The following HMCN1 variants were observed in gnomAD, a reference collection of about 807,000 sequenced individuals.
HMCN1 encodes hemicentin-1.
HMCN1 carries 321 observed loss-of-function variants against 625.9 expected under a neutral mutation model. The observed-to-expected ratio is 0.51, with a 90% confidence interval of 0.47 to 0.56. The LOEUF is 0.56. Among genes scored for constraint, HMCN1 ranks in the 20% least tolerant of loss-of-function variants. HMCN1 has a pLI of 0.00. For synonymous variants in HMCN1, 2,425 were observed against 2,417.6 expected (o/e 1.00, Z -0.09); for missense variants, 6,588 against 6,887.3 (o/e 0.96, Z 1.54).
chr1:185,741,833 G>T (rs998660178), intron 1 of HMCN1, among the ~76,000 whole-genome samples: 1 of 152,198 alleles, frequency 6.6e-6, no homozygotes, highest in East Asian at 1.9e-4. Context: ...AATTCAAAGA[G>T]AATGGGAAAA....
chr1:185,955,348 G>C (rs763791223), intron 11 of HMCN1, among the ~76,000 whole-genome samples: 1 of 151,820 alleles, frequency 6.6e-6, no homozygotes, highest in South Asian at 2.1e-4. Flanking sequence ...ATTTAATCCT[G>C]AATTGTATCC....
chr1:185,826,679 A>T (rs1157639631), intron 1 of HMCN1, among the ~76,000 whole-genome samples: 1 of 152,228 alleles, frequency 6.6e-6, no homozygotes, highest in Non-Finnish European at 1.5e-5. Flanking sequence ...TCTTCATTGC[A>T]GTAGAGAAAG....
intron 11 of HMCN1, among the ~76,000 whole-genome samples, chr1:185,953,955 A>T (rs1414447755): frequency 6.7e-6 from 1 of 150,026 alleles, no homozygotes; most frequent in Non-Finnish European, 1.5e-5. Flanking sequence ...TCTGGTGGGC[A>T]GGAGTGGGGG....
chr1:186,021,113 A>G (rs1654691541), intron 35 of HMCN1, among the ~76,000 whole-genome samples: 1 of 152,102 alleles, frequency 6.6e-6, no homozygotes, highest in Admixed American at 6.6e-5. Flanking sequence ...TTAGACTCAT[A>G]TGTTGGCCAT....
At chr1:186,148,877 A>G (rs1050239604) in intron 93 of HMCN1, among the ~76,000 whole-genome samples, 1 of 152,106 alleles carries the variant, frequency 6.6e-6, no homozygotes, top group Non-Finnish European at 1.5e-5. Flanking sequence ...GTACATCTCC[A>G]TTAGACCTCT....
At chr1:186,112,788 A>G (rs766473688) in intron 71 of HMCN1, 24 bp from the exon 72 acceptor site, 2 of 1,613,756 alleles carry the variant, frequency 1.2e-6, no homozygotes, top group Non-Finnish European at 1.7e-6. Flanking sequence ...TTTAACGGCA[A>G]ATTTCTTTAC....
rs55980493 is a variant in HMCN1 at position 185,877,711 on chromosome 1, C to A, written c.621+11848C>A. ...GTTAAATATATTCTTAGGTATTTTACTCTTTTTGTATGGCTATTTTTTTCC... is the reference window on the plus strand; with the variant it reads ...GTTAAATATATTCTTAGGTATTTTAATCTTTTTGTATGGCTATTTTTTTCC... On this transcript the variant is annotated intron_variant, in intron 4 of 106. Transcript: ENST00000271588. Among the ~76,000 whole-genome samples the A allele has an allele frequency of 3.3e-3, 500 of 151,814 alleles. 6 individuals carry two copies. Among genetic ancestry groups the A allele is most frequent in the African/African-American group, 0.012 (480 of 41,434 alleles).
chr1:185,783,500 T>C (rs1288931831), intron 1 of HMCN1, among the ~76,000 whole-genome samples: 1 of 152,180 alleles, frequency 6.6e-6, no homozygotes, highest in East Asian at 1.9e-4. Flanking sequence ...TCTTTGATGA[T>C]GGTGACGTAC....
chr1:186,093,266 T>C lies in HMCN1; in HGVS notation c.10012+8T>C. On this transcript the variant is annotated splice_region_variant and intron_variant, in intron 65 of 106. Transcript: ENST00000271588. ...TTAACTTGAATGTCTATGGTAAATATGAAATATCCCCCTCTTTTGATGATG... is the reference window on the plus strand; with the variant it reads ...TTAACTTGAATGTCTATGGTAAATACGAAATATCCCCCTCTTTTGATGATG... 1.9e-6 allele frequency: 3 copies of C among 1,613,274 alleles called. No homozygotes were observed. Among genetic ancestry groups the C allele is most frequent in the Non-Finnish European group, 2.5e-6 (3 of 1,179,486 alleles).
At chr1:186,163,889 A>G (rs1398645788) in intron 97 of HMCN1, among the ~76,000 whole-genome samples, 4 of 152,180 alleles carry the variant, frequency 2.6e-5, no homozygotes, top group Non-Finnish European at 4.4e-5. Context: ...AATTCCACCT[A>G]TTAGATGATA....
chr1:185,799,627 A>G (rs1042104312), intron 1 of HMCN1, among the ~76,000 whole-genome samples: 69 of 152,274 alleles, frequency 4.5e-4, no homozygotes, highest in African/African-American at 1.6e-3. Flanking sequence ...CAGGTAGGTC[A>G]GTGAGCTCAG....
intron 49 of HMCN1, 32 bp from the exon 50 acceptor site, chr1:186,067,802 A>G: frequency 3.4e-6 from 5 of 1,490,720 alleles, no homozygotes; most frequent in Non-Finnish European, 4.7e-6. Flanking sequence ...ATTTCTACAT[A>G]TATTTCTTCA....
intron 26 of HMCN1, among the ~76,000 whole-genome samples, chr1:186,000,915 A>T (rs1258793486): frequency 6.6e-6 from 1 of 152,006 alleles, no homozygotes; most frequent in African/African-American, 2.4e-5. Flanking sequence ...ATATATTTTA[A>T]AATTTGATGA....
chr1:186,158,443 G>T (rs1321327389), intron 97 of HMCN1, among the ~76,000 whole-genome samples: 2 of 152,130 alleles, frequency 1.3e-5, no homozygotes, highest in Non-Finnish European at 2.9e-5. Flanking sequence ...AGCTTAATTA[G>T]ATCCCATTTG....
rs561090229 is a variant in HMCN1, at chr1:186,174,422, C to A, written c.15815-92C>A. 8 of 1,479,428 alleles carry A rather than the reference C, an allele frequency of 5.4e-6. No homozygotes were observed. In the South Asian group the frequency reaches 6.9e-5, roughly 13 times the overall value. The allele number at this position is 1,479,428 out of a possible 1,614,324, so 91.6% of individuals were successfully genotyped here. A position where few individuals can be genotyped will look rare whatever the true frequency, so the allele number is the denominator to read the frequency against. The stretch of plus-strand genomic sequence containing the variant: ...CTCAACCACTTGGTGAGAAATGCAA[C>A]CTTTGGCAATTCTACAGAATGCTGA... On this transcript the variant is annotated intron_variant, in intron 102 of 106. Transcript: ENST00000271588.
intron 102 of HMCN1, among the ~76,000 whole-genome samples, chr1:186,172,889 A>G (rs1652320196): frequency 6.6e-6 from 1 of 152,206 alleles, no homozygotes; most frequent in Non-Finnish European, 1.5e-5. Context: ...TTCTACAGGA[A>G]TACCCAAGAG....
intron 10 of HMCN1, among the ~76,000 whole-genome samples, chr1:185,929,028 G>C (rs1466168072): frequency 1.3e-5 from 2 of 150,298 alleles, no homozygotes; most frequent in Non-Finnish European, 2.9e-5. Flanking sequence ...TATTATTATT[G>C]TTATTATCAT....
intron 11 of HMCN1, among the ~76,000 whole-genome samples, chr1:185,942,411 T>C (rs1668128521): frequency 6.6e-6 from 1 of 152,094 alleles, no homozygotes; most frequent in South Asian, 2.1e-4. Context: ...AATGATAGAA[T>C]GCAGTAGCAG....
At chr1:185,885,516 C>T (rs1271909866) in intron 4 of HMCN1, among the ~76,000 whole-genome samples, 9 of 148,838 alleles carry the variant, frequency 6.0e-5, no homozygotes, top group South Asian at 2.1e-4. Flanking sequence ...AATTTCCTGA[C>T]GTTTTTTTTT....
Sources: gnomAD v4.1 joint callset for allele counts (sites outside exome capture counted in the v4.1 genomes callset) on GRCh38, gnomAD v4.1.1 for gene constraint, MANE v1.5 for transcripts, NCBI Gene and HGNC (gene_info 2026-07-23, HGNC 2026-07-21) for gene names.